The following RBFOX1 variants were observed in gnomAD, a reference collection of about 807,000 sequenced individuals.
RBFOX1 encodes the protein RNA binding fox-1 homolog 1, also known as RNA binding protein fox-1 homolog 1.
RBFOX1 carries 8 observed loss-of-function variants against 57.7 expected under a neutral mutation model. That is an observed-to-expected ratio of 0.14 (90% CI 0.08 to 0.25). The LOEUF (loss-of-function observed/expected upper bound fraction) is 0.25, where lower values mean the gene tolerates loss of function less well. RBFOX1 is among the 10% of genes least tolerant of loss of function. The pLI is 1.00. For missense variants in RBFOX1, 611 were observed against 548.5 expected (o/e 1.11, Z -1.14); for synonymous variants, 326 against 222.4 (o/e 1.47, Z -4.15).
intron 3 of RBFOX1, among the ~76,000 whole-genome samples, chr16:5,682,951 T>A (rs2050389032): frequency 1.3e-5 from 2 of 152,188 alleles, no homozygotes; most frequent in Admixed American, 1.3e-4. Flanking sequence ...TGGCTCTGCC[T>A]CTTGCTTGAA....
At chr16:6,708,618 G>A (rs2063188431) in intron 3 of RBFOX1, among the ~76,000 whole-genome samples, 1 of 152,192 alleles carries the variant, frequency 6.6e-6, no homozygotes, top group Non-Finnish European at 1.5e-5. Flanking sequence ...TAAGCCAACA[G>A]CTGAGCGATT....
chr16:6,377,904 C>T (rs2091374553), intron 2 of RBFOX1, among the ~76,000 whole-genome samples: 1 of 152,130 alleles, frequency 6.6e-6, no homozygotes, highest in South Asian at 2.1e-4. Context: ...AAAACTCTGC[C>T]CCACTCCAAG....
intron 1 of RBFOX1, among the ~76,000 whole-genome samples, chr16:5,339,892 A>G (rs781177715): frequency 3.3e-5 from 5 of 152,080 alleles, no homozygotes; most frequent in Non-Finnish European, 7.4e-5. Flanking sequence ...TTGGCTGCAG[A>G]GGTCATGGGA....
intron 3 of RBFOX1, among the ~76,000 whole-genome samples, chr16:5,800,108 T>C (rs976256608): frequency 6.6e-6 from 1 of 151,854 alleles, no homozygotes; most frequent in Non-Finnish European, 1.5e-5. Context: ...GAGAGAAATA[T>C]GTATATAGGG....
At chr16:6,955,771 T>C (rs1278751517) in intron 3 of RBFOX1, among the ~76,000 whole-genome samples, 1 of 152,096 alleles carries the variant, frequency 6.6e-6, no homozygotes, top group Non-Finnish European at 1.5e-5. Flanking sequence ...TGCCGCTATC[T>C]TGGGGCTCAC....
chr16:7,209,996 G>A (rs1222181981), intron 4 of RBFOX1, among the ~76,000 whole-genome samples: 2 of 152,136 alleles, frequency 1.3e-5, no homozygotes, highest in Non-Finnish European at 2.9e-5. Flanking sequence ...AAACTGCCTT[G>A]CCTCTAAAAA....
intron 3 of RBFOX1, among the ~76,000 whole-genome samples, chr16:5,740,716 C>G (rs1475743442): frequency 2.0e-5 from 3 of 152,184 alleles, no homozygotes; most frequent in Non-Finnish European, 1.5e-5. Flanking sequence ...CTAAGGTGAG[C>G]TGTCATGGTG....
At chr16:7,493,821 C>T (rs577548284) in intron 4 of RBFOX1, among the ~76,000 whole-genome samples, 212 of 152,316 alleles carry the variant, frequency 1.4e-3, no homozygotes, top group African/African-American at 4.8e-3. Flanking sequence ...CACAATGTTT[C>T]TGGTAATTTG....
At chr16:5,616,640 A>G (rs1470826450) in intron 3 of RBFOX1, among the ~76,000 whole-genome samples, 9 of 61,218 alleles carry the variant, frequency 1.5e-4, no homozygotes, top group African/African-American at 6.2e-4. Flanking sequence ...CCTCCTCCTC[A>G]CCCCTCCTCC....
At chr16:6,466,891 G>C (rs1370081596) in intron 2 of RBFOX1, among the ~76,000 whole-genome samples, 1 of 152,072 alleles carries the variant, frequency 6.6e-6, no homozygotes, top group Non-Finnish European at 1.5e-5. Context: ...GTGAGAATAA[G>C]TGTTTTCTCT....
rs111242295 is a variant in RBFOX1, at chr16:7,064,439, G to A, written c.27+12341G>A. Among the ~76,000 whole-genome samples the A allele has an allele frequency of 4.2e-4, 64 of 152,184 alleles. 1 individual carries two copies. Among genetic ancestry groups the A allele is most frequent in the African/African-American group, 1.5e-3 (63 of 41,526 alleles). On this transcript the variant is annotated intron_variant, in intron 4 of 15. Coordinates refer to ENST00000550418, the MANE Select transcript of RBFOX1 (RefSeq NM_018723.4). ...CTGCCTCAGCCTCCCAAAGTGTTGG[G>A]TTTACAGGTGTGAGCCACCATGCCT...
chr16:6,956,940 G>C (rs1212236261), intron 3 of RBFOX1, among the ~76,000 whole-genome samples: 1 of 152,056 alleles, frequency 6.6e-6, no homozygotes, highest in Non-Finnish European at 1.5e-5. Flanking sequence ...CCCCAAGTGA[G>C]AGTTTTTGGA....
chr16:6,122,523 C>T (rs2096558619), intron 1 of RBFOX1, among the ~76,000 whole-genome samples: 2 of 152,212 alleles, frequency 1.3e-5, no homozygotes, highest in South Asian at 4.1e-4. Flanking sequence ...AGACATAATA[C>T]CCTGCCATGG....
At chr16:7,349,166 A>C (rs1026914963) in intron 4 of RBFOX1, among the ~76,000 whole-genome samples, 1 of 152,180 alleles carries the variant, frequency 6.6e-6, no homozygotes, top group Non-Finnish European at 1.5e-5. Flanking sequence ...ACTGAAGTTC[A>C]TGCTCATTTT....
At chr16:7,490,066 A>G (rs549882371) in intron 4 of RBFOX1, among the ~76,000 whole-genome samples, 6 of 152,158 alleles carry the variant, frequency 3.9e-5, no homozygotes, top group Non-Finnish European at 8.8e-5. Flanking sequence ...CCCCCTTTAA[A>G]TCTGTGTCCC....
At chr16:6,903,901 A>G (rs1429395069) in intron 3 of RBFOX1, among the ~76,000 whole-genome samples, 1 of 152,142 alleles carries the variant, frequency 6.6e-6, no homozygotes, top group Non-Finnish European at 1.5e-5. Context: ...TTCTAGATCA[A>G]GCTGCCAGGG....
At chr16:6,275,373 G>A (rs2075691630) in intron 1 of RBFOX1, among the ~76,000 whole-genome samples, 1 of 152,064 alleles carries the variant, frequency 6.6e-6, no homozygotes, top group Non-Finnish European at 1.5e-5. Flanking sequence ...AACATTTATT[G>A]AACACTCACT....
At chr16:7,046,603 C>CTTTTTTTTTTTTTTTT (rs59921108) in intron 3 of RBFOX1, among the ~76,000 whole-genome samples, 1 of 85,010 alleles carries the variant, frequency 1.2e-5, no homozygotes, top group Non-Finnish European at 2.2e-5. Context: ...TGTGTTTTAT[C>CTTTTTTTTTTTTTTTT]TTTTTTTTTT....
chr16:6,879,930 C>G (rs1303429161), intron 3 of RBFOX1, among the ~76,000 whole-genome samples: 1 of 152,146 alleles, frequency 6.6e-6, no homozygotes, highest in East Asian at 1.9e-4. Flanking sequence ...TTTAAATTTT[C>G]ATTGCATCAT....
Sources: gnomAD v4.1 joint callset for allele counts (sites outside exome capture counted in the v4.1 genomes callset) on GRCh38, gnomAD v4.1.1 for gene constraint, MANE v1.5 for transcripts, NCBI Gene and HGNC (gene_info 2026-07-23, HGNC 2026-07-21) for gene names.